The following NCL variants were observed in gnomAD, a reference collection of about 807,000 sequenced individuals.
NCL encodes nucleolin multifunctional protein.
A neutral mutation model predicts 77.7 loss-of-function variants in NCL; 4 were observed. The observed-to-expected ratio is 0.05, with a 90% confidence interval of 0.03 to 0.12. The LOEUF is 0.12. NCL is among the 10% of genes least tolerant of loss of function. The pLI, the probability that NCL is intolerant of heterozygous loss-of-function variation, is 1.00. For missense variants in NCL, 763 were observed against 860.9 expected (o/e 0.89, Z 1.42); for synonymous variants, 344 against 297.8 (o/e 1.16, Z -1.60).
intron 5 of NCL, 60 bp from the exon 6 acceptor site, chr2:231,460,353 G>C: frequency 6.2e-7 from 1 of 1,610,216 alleles, no homozygotes; most frequent in Non-Finnish European, 8.5e-7. Flanking sequence ...AGTTTCCAAA[G>C]CAAAATTTCT....
At chr2:231,462,242 A>G (rs1465561240) in intron 2 of NCL, among the ~76,000 whole-genome samples, 4 of 152,242 alleles carry the variant, frequency 2.6e-5, no homozygotes, top group Non-Finnish European at 5.9e-5. Context: ...ACACTTAAAA[A>G]TACCTCTGAA....
intron 9 of NCL, 168 bp from the exon 10 acceptor site, chr2:231,457,292 CGTGTTG>C (rs745588072): frequency 1.0e-6 from 1 of 964,716 alleles, no homozygotes; most frequent in African/African-American, 1.6e-5. Flanking sequence ...GTACCTAGTA[CGTGTTG>C]CAATGTCCTG....
rs142955437 is a variant in NCL at position 231,462,490 on chromosome 2, G to A, written c.136-473C>T. 1.9e-5 allele frequency: 9 copies of A among 482,668 alleles called. No individual in the cohort carries two copies. The East Asian group carries it at 3.5e-4, about 19-fold the overall frequency. 29.9% of individuals were successfully genotyped at this position (482,668 alleles called of 1,614,324 possible). A position where few individuals can be genotyped will look rare whatever the true frequency, so the allele number is the denominator to read the frequency against. ...ATTCTTAGGACCTGAGACAAAAAATGAATAGGCTAAATATAAATATTCCTT... is the reference window on the plus strand; with the variant it reads ...ATTCTTAGGACCTGAGACAAAAAATAAATAGGCTAAATATAAATATTCCTT... On this transcript the variant is annotated intron_variant, in intron 2 of 13. Coordinates refer to ENST00000322723, the MANE Select transcript of NCL (RefSeq NM_005381.3).
At chr2:231,460,956 CCAT>C (rs2046943520) in intron 3 of NCL, 90 bp from the exon 4 acceptor site, 1 of 1,080,470 alleles carries the variant, frequency 9.3e-7, no homozygotes, top group Non-Finnish European at 1.4e-6. Flanking sequence ...AATCCTGTCA[CCAT>C]GTTTAGTTAA....
chr2:231,460,416 C>T, intron 5 of NCL, 62 bp downstream of exon 5: 1 of 1,589,086 alleles, frequency 6.3e-7, no homozygotes. Flanking sequence ...AGTATTAAGT[C>T]CCTTTGTTAT....
At chr2:231,459,894 G>C (rs1361963988) in intron 6 of NCL, among the ~76,000 whole-genome samples, 1 of 151,966 alleles carries the variant, frequency 6.6e-6, no homozygotes, top group Non-Finnish European at 1.5e-5. Flanking sequence ...GCAAAAGCCA[G>C]CGTCCGTCTC....
chr2:231,459,045 T>A lies in NCL; in HGVS notation c.1121A>T (p.Asn374Ile), dbSNP rs147742467. 6.2e-7 allele frequency: 1 copy of A among 1,603,792 alleles called. No homozygotes were observed. The highest frequency in any genetic ancestry group is 1.1e-5 in the South Asian group (1 of 88,754). Reference sequence around the variant, plus strand: ...TTTTGGTTTCTCTAGTTTAATTTCATTGCCAAAGACTTTCAAACCAGTGAG... The same window carrying A: ...TTTTGGTTTCTCTAGTTTAATTTCAATGCCAAAGACTTTCAAACCAGTGAG... Reference protein sequence around the residue: ...LELTGLKVFGNEIKLEKPKGK... With the variant: ...LELTGLKVFGIEIKLEKPKGK... The change falls in exon 7 of 14, where the codon AAT (asparagine) becomes ATT (isoleucine). Residue 374 changes from asparagine to isoleucine, a missense_variant. Physicochemically the swap from Asn to Ile is moderately radical, Grantham distance 149 (BLOSUM62 -3). Transcript: ENST00000322723.
chr2:231,455,137 A>C lies in NCL; in HGVS notation c.*54T>G. 1 of 1,601,196 alleles carries C rather than the reference A, an allele frequency of 6.2e-7. No individual in the cohort carries two copies. Among genetic ancestry groups the C allele is most frequent in the Non-Finnish European group, 8.6e-7 (1 of 1,169,404 alleles). On this transcript the variant is annotated 3_prime_UTR_variant, in exon 14 of 14. Coordinates refer to ENST00000322723, the MANE Select transcript of NCL (RefSeq NM_005381.3). ...CTCTGTCATTGATCAGGTAACAGTA[A>C]AAACCCCAGAGTCCTTTCTTTCAAA...
Position 231,461,556 on chromosome 2 carries a change from A to T in NCL, c.597T>A (p.Asp199Glu), listed in dbSNP as rs1559542472. The stretch of plus-strand genomic sequence containing the variant: ...ACTCCTTACCATCTTCCTCATCGTC[A>T]TCGTCATCCTCATCATCTTCGTCAT... The part of the protein sequence containing the change: ...DEDDEDDEDD[D>E]DDEEDDSEEE... The change falls in exon 3 of 14, where the codon GAT becomes GAA. Residue 199 changes from aspartate to glutamate, a missense_variant. Physicochemically the swap from Asp to Glu is conservative, Grantham distance 45. Around this residue, in one of 2 missense-constraint regions of NCL, gnomAD observed 590 missense variants for 570.5 expected, o/e 1.03. Coordinates refer to ENST00000322723, the MANE Select transcript of NCL (RefSeq NM_005381.3). 6.2e-7 allele frequency: 1 copy of T among 1,613,384 alleles called. No homozygotes were observed.
chr2:231,458,283 C>T lies in NCL; in HGVS notation c.1272G>A (p.Lys424=). Residue 424 remains lysine (K), a synonymous_variant, in exon 8 of 14, where the codon AAG becomes AAA. Transcript: ENST00000322723. ...EDAAEIRLVS[K]DGKSKGIAYI... is the part of the protein sequence containing the mutation. The stretch of plus-strand genomic sequence containing the variant: ...GAACATACCCTTTACTTTTCCCATC[C>T]TTGCTGACTAATCTGATCTCCGCAG... 6.2e-7 allele frequency: 1 copy of T among 1,613,944 alleles called. No homozygotes were observed. Among genetic ancestry groups the T allele is most frequent in the East Asian group, 2.2e-5 (1 of 44,880 alleles).
At chr2:231,456,972 T>C (rs1372682510) in intron 10 of NCL, 29 bp downstream of exon 10, 5 of 1,612,472 alleles carry the variant, frequency 3.1e-6, no homozygotes, top group Middle Eastern at 1.6e-4. Context: ...ATATAGCCTA[T>C]AACTGATGAT....
At chr2:231,463,475 G>A in intron 1 of NCL, 159 bp from the exon 2 acceptor site, 1 of 681,088 alleles carries the variant, frequency 1.5e-6, no homozygotes, top group Non-Finnish European at 2.6e-6. Flanking sequence ...TGATGGCAAT[G>A]CAAGAGGGAC....
chr2:231,458,605 T>C, intron 7 of NCL: 3 of 607,284 alleles, frequency 4.9e-6, no homozygotes, highest in Non-Finnish European at 8.3e-6. Context: ...CTCTGTTAGG[T>C]ACACTGGAGT....
In NCL at chr2:231,454,540, T is replaced by C; in HGVS notation, c.*651A>G. On this transcript the variant is annotated 3_prime_UTR_variant, in exon 14 of 14. Coordinates refer to ENST00000322723, the MANE Select transcript of NCL (RefSeq NM_005381.3). ...ACATAATCCTCAGACCTGCTAAAAG[T>C]AGGAGAAGCTGCAGCAGCCTTCAAG... The C allele has an allele frequency of 6.5e-6, 1 of 152,790 alleles. No homozygotes were observed. Among genetic ancestry groups the C allele is most frequent in the Non-Finnish European group, 1.5e-5 (1 of 68,406 alleles). 9.5% of individuals were successfully genotyped at this position (152,790 alleles called of 1,614,324 possible).
chr2:231,458,869 C>A, intron 7 of NCL, 132 bp downstream of exon 7: 2 of 997,164 alleles, frequency 2.0e-6, no homozygotes, highest in South Asian at 2.2e-5. Context: ...TTAATTCCCA[C>A]ATTAAGAGGA....
rs1306833220 is a variant in NCL at position 231,456,358 on chromosome 2, A to G, written c.1706-222T>C. ...ATATCCTGCCCCAGATCTTCTATGG[A>G]AAGTGGGAGAAGCAACCCAAGCAGG... is the stretch of plus-strand genomic sequence containing the variant. On this transcript the variant is annotated intron_variant, in intron 11 of 13. Transcript: ENST00000322723. 2.4e-5 allele frequency: 21 copies of G among 882,720 alleles called. No individual in the cohort carries two copies. In the South Asian group the frequency reaches 2.6e-4, roughly 11 times the overall value. 54.7% of individuals were successfully genotyped at this position (882,720 alleles called of 1,614,324 possible). A position where few individuals can be genotyped will look rare whatever the true frequency, so the allele number is the denominator to read the frequency against.
chr2:231,459,162 G>A (rs2046922195), intron 6 of NCL, 37 bp from the exon 7 acceptor site: 1 of 1,507,358 alleles, frequency 6.6e-7, no homozygotes, highest in Non-Finnish European at 8.8e-7. Flanking sequence ...TACAACAGGT[G>A]AAAACACAAA....
chr2:231,460,449 C>T, intron 5 of NCL, 29 bp downstream of exon 5: 2 of 1,603,338 alleles, frequency 1.2e-6, no homozygotes, highest in South Asian at 2.2e-5. Context: ...CTGTTTATCT[C>T]CCCCATATCC....
rs762201253 is a variant in NCL, at chr2:231,455,273, G to A, written c.2057-6C>T. The A allele has an allele frequency of 6.2e-7, 1 of 1,614,058 alleles. No homozygotes were observed. The highest frequency in any genetic ancestry group is 1.1e-5 in the South Asian group (1 of 91,076). On this transcript the variant is annotated splice_polypyrimidine_tract_variant and splice_region_variant and intron_variant, in intron 13 of 13. Coordinates refer to ENST00000322723, the MANE Select transcript of NCL (RefSeq NM_005381.3). ...TCCTCGGAAGCCTCCTCGCCCTACA[G>A]GAGGAAGGCAAGACACTGTTAAAAG...
Sources: allele counts gnomAD v4.1 joint callset (sites outside exome capture counted in the v4.1 genomes callset), GRCh38; gene constraint gnomAD v4.1.1; regional missense constraint gnomAD v4.1.1; transcripts MANE v1.5; gene names NCBI Gene and HGNC (gene_info 2026-07-23, HGNC 2026-07-21).